FOSB: variants seen among roughly 807,000 people sequenced by gnomAD.
FOSB encodes protein FosB.
Under a neutral mutation model 31.1 loss-of-function variants are expected in FOSB, and 8 were observed. The ratio of observed to expected loss-of-function variants is 0.26; its 90% confidence interval spans 0.15 to 0.46. The LOEUF (loss-of-function observed/expected upper bound fraction) is 0.46. FOSB is among the 20% of genes least tolerant of loss of function. The pLI is 0.99. For missense variants in FOSB, 376 were observed against 460.6 expected, an observed-to-expected ratio of 0.82 and a Z score of 1.68; for synonymous variants, 214 against 206.1, an observed-to-expected ratio of 1.04 and a Z score of -0.33.
Position 45,472,945 on chromosome 19 carries a change from C to T in FOSB, c.950C>T (p.Ala317Val). Reference sequence around the variant, plus strand: ...CCGGAGGTCTCCGCGTTCGCCGGCGCCCAACGCACCAGCGGCAGTGACCAG... The same window carrying T: ...CCGGAGGTCTCCGCGTTCGCCGGCGTCCAACGCACCAGCGGCAGTGACCAG... The part of the protein sequence containing the change: ...TCPEVSAFAG[A>V]QRTSGSDQPS... The change falls in exon 4 of 4, where the codon GCC becomes GTC. Residue 317 changes from alanine (A) to valine (V), a missense_variant. Physicochemically the swap from Ala to Val is moderately conservative, Grantham distance 64. Transcript: ENST00000353609. This position sits in a 1 kb window ranked among gnomAD's most constrained non-coding sequence, Gnocchi z 5.4. 1 of 1,613,628 alleles carries T rather than the reference C, an allele frequency of 6.2e-7. No homozygotes were observed. The highest frequency in any genetic ancestry group is 8.5e-7 in the Non-Finnish European group (1 of 1,180,038).
Position 45,468,330 on chromosome 19 carries a change from C to A in FOSB, c.-257C>A, listed in dbSNP as rs1967491713. ...TCGCCCCTGGGTCCTACGGAGCCTGCACTTTCAAGAGGTACAGCGGCATCC... is the reference window on the plus strand; with the variant it reads ...TCGCCCCTGGGTCCTACGGAGCCTGAACTTTCAAGAGGTACAGCGGCATCC... On this transcript the variant is annotated 5_prime_UTR_variant, in exon 1 of 4. Coordinates refer to ENST00000353609, the MANE Select transcript of FOSB (RefSeq NM_006732.3). This position sits in a 1 kb window ranked among gnomAD's most constrained non-coding sequence, Gnocchi z 4.8. 1 of 400,530 alleles carries A rather than the reference C, an allele frequency of 2.5e-6. No homozygotes were observed. Among genetic ancestry groups the A allele is most frequent in the Admixed American group, 4.2e-5 (1 of 23,644 alleles). 24.8% of individuals were successfully genotyped at this position (400,530 alleles called of 1,614,324 possible).
intron 3 of FOSB, chr19:45,471,897 C>A (rs1967687553): frequency 6.5e-6 from 1 of 152,788 alleles, no homozygotes; most frequent in African/African-American, 2.4e-5. Flanking sequence ...TCTACTTTTT[C>A]TCTTCCCCGG....
In FOSB at chr19:45,470,920, G is replaced by T. The variant is rs780887411; in HGVS notation, c.418G>T (p.Ala140Ser). The T allele has an allele frequency of 1.1e-5, 18 of 1,613,036 alleles. No homozygotes were observed. Among genetic ancestry groups the T allele is most frequent in the South Asian group, 1.1e-4 (10 of 91,074 alleles). The change falls in exon 2 of 4, where the codon GCC becomes TCC. Residue 140 changes from alanine to serine, a missense_variant. Physicochemically the swap from Ala to Ser is moderately conservative, Grantham distance 99. Around this residue, in one of 3 missense-constraint regions of FOSB, gnomAD observed 193 missense variants for 207.1 expected, o/e 0.93. Coordinates refer to ENST00000353609, the MANE Select transcript of FOSB (RefSeq NM_006732.3). Reference sequence around the variant, plus strand: ...GCCTGGGCCTGCCCGCCCAGCCCGAGCCCGGCCTAGGAGACCCCGAGAGGA... The same window carrying T: ...GCCTGGGCCTGCCCGCCCAGCCCGATCCCGGCCTAGGAGACCCCGAGAGGA... ...SGPGPARPARARPRRPREETL... is the reference protein window; with the variant it reads ...SGPGPARPARSRPRRPREETL...
In FOSB at chr19:45,473,162, C is replaced by A; in HGVS notation, c.*150C>A. The A allele has an allele frequency of 1.5e-6, 1 of 671,336 alleles. No individual in the cohort carries two copies. Among genetic ancestry groups the A allele is most frequent in the South Asian group, 1.8e-5 (1 of 54,586 alleles). 41.6% of individuals were successfully genotyped at this position (671,336 alleles called of 1,614,324 possible). ...CGTCTGACCCTCTGCGGCCACTGCG[C>A]CACTGCCATCGGACAGGAGGATTCC... On this transcript the variant is annotated 3_prime_UTR_variant, in exon 4 of 4. Transcript: ENST00000353609.
Position 45,470,730 on chromosome 19 carries a change from C to A in FOSB, c.228C>A (p.Ile76=). ...AGTGGCTTGTGCAACCCACCCTCAT[C>A]TCTTCCATGGCCCAGTCCCAGGGGC... ...DLQWLVQPTL[I]SSMAQSQGQP... The change falls in exon 2 of 4, where the codon ATC becomes ATA. Residue 76 remains isoleucine, a synonymous_variant. Coordinates refer to ENST00000353609, the MANE Select transcript of FOSB (RefSeq NM_006732.3). 6.2e-7 allele frequency: 1 copy of A among 1,613,342 alleles called. No individual in the cohort carries two copies. Among genetic ancestry groups the A allele is most frequent in the South Asian group, 1.1e-5 (1 of 91,088 alleles).
rs1354042615 is a variant in FOSB at position 45,468,440 on chromosome 19, C to T, written c.-147C>T. 2.4e-6 allele frequency: 2 copies of T among 838,566 alleles called. No individual in the cohort carries two copies. The highest frequency in any genetic ancestry group is 3.4e-5 in the African/African-American group (2 of 58,218). 51.9% of individuals were successfully genotyped at this position (838,566 alleles called of 1,614,324 possible). ...ACGTTGCTCCTTCCCCGAGCTTCCC[C>T]GGACAGCGTACTTTGAGGACTCGCT... On this transcript the variant is annotated 5_prime_UTR_variant, in exon 1 of 4. Coordinates refer to ENST00000353609, the MANE Select transcript of FOSB (RefSeq NM_006732.3). The surrounding 1 kb of genome is among the most constrained non-coding windows in gnomAD (Gnocchi z 4.8).
Position 45,470,959 on chromosome 19 carries a change from G to C in FOSB, c.447+10G>C. 1 of 1,609,426 alleles carries C rather than the reference G, an allele frequency of 6.2e-7. No homozygotes were observed. The highest frequency in any genetic ancestry group is 1.7e-5 in the Admixed American group (1 of 60,006). ...ACCCCGAGAGGAGACGGTGAGTAAGGGACATCAGAACTTGGCCTGGGTAGG... is the reference window on the plus strand; with the variant it reads ...ACCCCGAGAGGAGACGGTGAGTAAGCGACATCAGAACTTGGCCTGGGTAGG... On this transcript the variant is annotated intron_variant, in intron 2 of 3. Transcript: ENST00000353609.
At chr19:45,469,598 G>A (rs1331673666) in intron 1 of FOSB, among the ~76,000 whole-genome samples, 1 of 152,206 alleles carries the variant, frequency 6.6e-6, no homozygotes, top group Non-Finnish European at 1.5e-5. Context: ...CCCTTGCGGG[G>A]ATCTAGTCCC....
chr19:45,471,270 G>C lies in FOSB; in HGVS notation c.524G>C (p.Arg175Pro). ...NKLAAAKCRNRRRELTDRLQA... is the reference protein window; with the variant it reads ...NKLAAAKCRNPRRELTDRLQA... Reference sequence around the variant, plus strand: ...CTAGCAGCAGCTAAATGCAGGAACCGGCGGAGGGAGCTGACCGACCGACTC... The same window carrying C: ...CTAGCAGCAGCTAAATGCAGGAACCCGCGGAGGGAGCTGACCGACCGACTC... Residue 175 changes from arginine (R) to proline (P), a missense_variant, in exon 3 of 4, where the codon CGG becomes CCG. This residue lies in a region of FOSB where 35 missense variants were observed against 83.5 expected (regional missense o/e 0.42). Coordinates refer to ENST00000353609, the MANE Select transcript of FOSB (RefSeq NM_006732.3). 1 of 1,567,122 alleles carries C rather than the reference G, an allele frequency of 6.4e-7. No individual in the cohort carries two copies. Among genetic ancestry groups the C allele is most frequent in the Non-Finnish European group, 8.7e-7 (1 of 1,155,520 alleles).
chr19:45,470,227 C>G (rs1967597065), intron 1 of FOSB: 2 of 226,414 alleles, frequency 8.8e-6, no homozygotes, highest in Non-Finnish European at 1.7e-5. Context: ...CTTCTCCCTC[C>G]CCTTGCCTCT....
chr19:45,470,925 G>T lies in FOSB; in HGVS notation c.423G>T (p.Arg141=). Reference sequence around the variant, plus strand: ...GGCCTGCCCGCCCAGCCCGAGCCCGGCCTAGGAGACCCCGAGAGGAGACGG... The same window carrying T: ...GGCCTGCCCGCCCAGCCCGAGCCCGTCCTAGGAGACCCCGAGAGGAGACGG... ...GPGPARPARA[R]PRRPREETLT... The change falls in exon 2 of 4, where the codon CGG becomes CGT. Residue 141 remains arginine (R), a synonymous_variant. Transcript: ENST00000353609. 1 of 1,612,690 alleles carries T rather than the reference G, an allele frequency of 6.2e-7. No individual in the cohort carries two copies.
chr19:45,472,921 C>A lies in FOSB; in HGVS notation c.926C>A (p.Pro309Gln). The change falls in exon 4 of 4, where the codon CCG becomes CAG. Residue 309 changes from proline (P) to glutamine (Q), a missense_variant. By Grantham distance (76) the Pro-to-Gln change is moderately conservative. Transcript: ENST00000353609. This position sits in a 1 kb window ranked among gnomAD's most constrained non-coding sequence, Gnocchi z 5.4. ...ACTTCTTCGTTTGTCCTCACCTGCC[C>A]GGAGGTCTCCGCGTTCGCCGGCGCC... ...SYTSSFVLTC[P>Q]EVSAFAGAQR... is the part of the protein sequence containing the mutation. 1 of 1,614,034 alleles carries A rather than the reference C, an allele frequency of 6.2e-7. No individual in the cohort carries two copies. The highest frequency in any genetic ancestry group is 8.5e-7 in the Non-Finnish European group (1 of 1,180,042).
At chr19:45,469,140 G>A (rs1369290706) in intron 1 of FOSB, among the ~76,000 whole-genome samples, 1 of 152,202 alleles carries the variant, frequency 6.6e-6, no homozygotes, top group African/African-American at 2.4e-5. Context: ...CGCCCACTTC[G>A]GTGCCGGGTC....
intron 1 of FOSB, chr19:45,470,176 A>C: frequency 5.7e-6 from 1 of 176,816 alleles, no homozygotes; most frequent in Non-Finnish European, 1.2e-5. Flanking sequence ...GGGGGTGTGT[A>C]TGTGTGTGAG....
rs1209111575 is a variant in FOSB at position 45,472,751 on chromosome 19, C to CA, written c.757dup (p.Ser253LysfsTer33). On this transcript the variant is annotated frameshift_variant, in exon 4 of 4. Transcript: ENST00000353609. LOFTEE classifies it high-confidence loss of function. This position sits in a 1 kb window ranked among gnomAD's most constrained non-coding sequence, Gnocchi z 5.4. ...CAGCACCGGCTAAGGAAGATGGCTT[C>CA]AGCTGGCTGCTGCCGCCCCCGCCAC... 6.2e-7 allele frequency: 1 copy of CA among 1,613,936 alleles called. No homozygotes were observed. The highest frequency in any genetic ancestry group is 1.1e-5 in the South Asian group (1 of 91,044).
At position 45,474,628 on chromosome 19, in the gene FOSB, G is replaced by C. The variant is rs764546173; in HGVS notation, c.*1616G>C. The C allele has an allele frequency of 1.3e-5, 2 of 152,292 alleles. No individual in the cohort carries two copies. Among genetic ancestry groups the C allele is most frequent in the Non-Finnish European group, 2.9e-5 (2 of 68,026 alleles). The allele number at this position is 152,292 out of a possible 1,614,324, so 9.4% of individuals were successfully genotyped here. A position where few individuals can be genotyped will look rare whatever the true frequency, so the allele number is the denominator to read the frequency against. ...TATATATGGATGTGTGTGTGTGCGT[G>C]CGCGTGAGTGTGTGAGCGCTTCTGC... On this transcript the variant is annotated 3_prime_UTR_variant, in exon 4 of 4. Transcript: ENST00000353609.
At position 45,474,813 on chromosome 19, in the gene FOSB, G is replaced by A. The variant is rs1201022257; in HGVS notation, c.*1801G>A. On this transcript the variant is annotated 3_prime_UTR_variant, in exon 4 of 4. Transcript: ENST00000353609. The stretch of plus-strand genomic sequence containing the variant: ...TCTCTCCCTCTGTCTTTTCTCCTCC[G>A]CCTGTGTCCATCTGACCGTTTTCAC... 1 of 151,936 alleles carries A rather than the reference G, an allele frequency of 6.6e-6. No homozygotes were observed. The highest frequency in any genetic ancestry group is 1.5e-5 in the Non-Finnish European group (1 of 68,044). 9.4% of individuals were successfully genotyped at this position (151,936 alleles called of 1,614,324 possible). A position where few individuals can be genotyped will look rare whatever the true frequency, so the allele number is the denominator to read the frequency against.
At position 45,471,732 on chromosome 19, in the gene FOSB, C is replaced by T. The variant is rs148726219; in HGVS notation, c.555+431C>T. The T allele has an allele frequency of 3.6e-3, 585 of 161,914 alleles. 13 individuals are homozygous for T. Among genetic ancestry groups the T allele is most frequent in the East Asian group, 4.4e-3 (26 of 5,882 alleles). 10.0% of individuals were successfully genotyped at this position (161,914 alleles called of 1,614,324 possible). ...CTGTGAAATGAAATTATTCCACCTC[C>T]TGCCCTAGCCACCCACAGCTCTCCT... On this transcript the variant is annotated intron_variant, in intron 3 of 3. Coordinates refer to ENST00000353609, the MANE Select transcript of FOSB (RefSeq NM_006732.3).
chr19:45,473,302 A>C lies in FOSB; in HGVS notation c.*290A>C. ...CCCCCAGCTGACTGTTGGCTCTCTG[A>C]CGTCAACCCAAGCTCTGGGGATGGG... On this transcript the variant is annotated 3_prime_UTR_variant, in exon 4 of 4. Coordinates refer to ENST00000353609, the MANE Select transcript of FOSB (RefSeq NM_006732.3). The C allele has an allele frequency of 1.0e-5, 2 of 200,492 alleles. No individual in the cohort carries two copies. The highest frequency in any genetic ancestry group is 5.6e-5 in the South Asian group (1 of 17,808). 12.4% of individuals were successfully genotyped at this position (200,492 alleles called of 1,614,324 possible).
Sources: gnomAD v4.1 joint callset for allele counts (sites outside exome capture counted in the v4.1 genomes callset) on GRCh38, gnomAD v4.1.1 for gene constraint, gnomAD v4.1.1 regional missense constraint, Gnocchi (gnomAD v3.1) non-coding constraint, MANE v1.5 for transcripts, NCBI Gene and HGNC (gene_info 2026-07-23, HGNC 2026-07-21) for gene names.